The following GCSAML variants were observed in gnomAD, a reference collection of about 807,000 sequenced individuals.
GCSAML encodes the protein germinal center-associated signaling and motility-like protein.
Under a neutral mutation model 13.0 loss-of-function variants are expected in GCSAML, and 9 were observed. That is an observed-to-expected ratio of 0.69 (90% confidence interval 0.42 to 1.21). GCSAML has a LOEUF of 1.21. Among genes scored for constraint, GCSAML ranks in the 50% most tolerant of loss-of-function variants. The pLI, the probability that GCSAML is intolerant of heterozygous loss-of-function variation, is 0.00. For synonymous variants in GCSAML, 37 were observed against 52.9 expected, an observed-to-expected ratio of 0.70 and a Z score of 1.31; for missense variants, 143 against 153.4, an observed-to-expected ratio of 0.93 and a Z score of 0.36.
intron 1 of GCSAML, among the ~76,000 whole-genome samples, chr1:247,522,916 TAA>T (rs36008669): frequency 0.025 from 3,239 of 132,020 alleles, 44 homozygotes; most frequent in Middle Eastern, 0.044. Context: ...CAATAAATAC[TAA>T]AAAAAAAAAA....
chr1:247,548,181 TG>T (rs1001934288), upstream of GCSAML, among the ~76,000 whole-genome samples: 2 of 152,212 alleles, frequency 1.3e-5, no homozygotes, highest in Non-Finnish European at 2.9e-5. The surrounding 1 kb of genome is among the most constrained non-coding windows in gnomAD (Gnocchi z 5.3). Context: ...ATCAACCACC[TG>T]TGGTATAAAT....
At chr1:247,522,261 C>CCCCG (rs1666468716) in intron 1 of GCSAML, among the ~76,000 whole-genome samples, 1 of 102,098 alleles carries the variant, frequency 9.8e-6, no homozygotes, top group African/African-American at 3.5e-5. Context: ...GGGGGGCAGC[C>CCCCG]CCCACCCGGC....
At chr1:247,570,636 T>G (rs549619648) in intron 4 of GCSAML, among the ~76,000 whole-genome samples, 49 of 152,298 alleles carry the variant, frequency 3.2e-4, no homozygotes, top group African/African-American at 1.1e-3. Context: ...AAATATGTGG[T>G]TGATTTTAGG....
Position 247,574,586 on chromosome 1 carries a change from C to G in GCSAML, c.*204C>G. The G allele has an allele frequency of 1.7e-6, 1 of 577,026 alleles. No individual in the cohort carries two copies. The highest frequency in any genetic ancestry group is 3.0e-6 in the Non-Finnish European group (1 of 335,702). 35.7% of individuals were successfully genotyped at this position (577,026 alleles called of 1,614,324 possible). On this transcript the variant is annotated 3_prime_UTR_variant, in exon 5 of 5. Transcript: ENST00000366488. Reference sequence around the variant, plus strand: ...GAAATCATAGAAATTGACACAATGACCTAAAATATTCTATGTGTTTTTGCT... The same window carrying G: ...GAAATCATAGAAATTGACACAATGAGCTAAAATATTCTATGTGTTTTTGCT...
chr1:247,558,907 G>C (rs1668036882), intron 2 of GCSAML, among the ~76,000 whole-genome samples: 1 of 151,868 alleles, frequency 6.6e-6, no homozygotes, highest in Non-Finnish European at 1.5e-5. Flanking sequence ...TTTGTTACCA[G>C]TATCTGTGTG....
chr1:247,567,191 G>C (rs149685951), intron 4 of GCSAML, among the ~76,000 whole-genome samples: 1,673 of 151,288 alleles, frequency 0.011, 15 homozygotes, highest in Middle Eastern at 0.038. Context: ...TTAAGTTCTG[G>C]GATACATGTG....
At chr1:247,531,560 C>T in intron 2 of GCSAML, 5 of 1,613,240 alleles carry the variant, frequency 3.1e-6, no homozygotes, top group Non-Finnish European at 4.2e-6. Context: ...TAAATTTGCG[C>T]CAGCTTGCCT....
chr1:247,554,050 A>G (rs892052535), intron 1 of GCSAML, among the ~76,000 whole-genome samples: 1 of 152,074 alleles, frequency 6.6e-6, no homozygotes, highest in Non-Finnish European at 1.5e-5. Context: ...AATTTGATTT[A>G]TTTAATTTGA....
intron 2 of GCSAML, among the ~76,000 whole-genome samples, chr1:247,541,655 A>T (rs1044685840): frequency 1.4e-4 from 21 of 152,204 alleles, no homozygotes; most frequent in Admixed American, 6.5e-4. Flanking sequence ...AAAAACCCTT[A>T]GGTGAGCAGT....
At chr1:247,531,623 C>G in intron 2 of GCSAML, 1 of 1,614,180 alleles carries the variant, frequency 6.2e-7, no homozygotes, top group African/African-American at 1.3e-5. Context: ...CTCTTCACCT[C>G]CGTGTTCCTC....
intron 2 of GCSAML, among the ~76,000 whole-genome samples, chr1:247,543,495 C>T (rs557712590): frequency 1.8e-4 from 27 of 152,226 alleles, no homozygotes; most frequent in South Asian, 4.1e-4. Flanking sequence ...CGGTTTCAGG[C>T]ATCCACTGAA....
intron 2 of GCSAML, among the ~76,000 whole-genome samples, chr1:247,562,602 A>G (rs948181931): frequency 3.9e-5 from 6 of 152,170 alleles, no homozygotes; most frequent in Non-Finnish European, 8.8e-5. Flanking sequence ...GCCCAGGCAC[A>G]TCTCTCTACT....
At chr1:247,529,579 T>G (rs1281994498) in intron 2 of GCSAML, 1 of 152,198 alleles carries the variant, frequency 6.6e-6, no homozygotes, top group East Asian at 1.9e-4. Flanking sequence ...ACATGATGCA[T>G]AATAATCCAG....
chr1:247,565,904 CTTT>C (rs367904043), intron 3 of GCSAML, 24 bp from the exon 4 acceptor site: 2,417 of 1,354,292 alleles, frequency 1.8e-3, no homozygotes, highest in Admixed American at 3.5e-3. Context: ...TCCTTTCTTT[CTTT>C]TTTTTTTTTT....
intron 2 of GCSAML, among the ~76,000 whole-genome samples, chr1:247,562,090 T>G (rs994678044): frequency 6.6e-6 from 1 of 152,112 alleles, no homozygotes; most frequent in Non-Finnish European, 1.5e-5. Context: ...ACATGGAGAT[T>G]ATAGTTTGTT....
chr1:247,532,363 G>T (rs1274146477), intron 2 of GCSAML: 2 of 1,613,968 alleles, frequency 1.2e-6, no homozygotes, highest in Non-Finnish European at 1.7e-6. Flanking sequence ...ATCTGTATGG[G>T]AGACCAGAAT....
chr1:247,574,240 A>G lies in GCSAML; in HGVS notation c.266A>G (p.Tyr89Cys), dbSNP rs376018639. The G allele has an allele frequency of 5.6e-6, 9 of 1,613,994 alleles. No homozygotes were observed. Among genetic ancestry groups the G allele is most frequent in the African/African-American group, 2.7e-5 (2 of 74,942 alleles). Residue 89 changes from tyrosine (Y) to cysteine (C), a missense_variant, in exon 5 of 5, where the codon TAT becomes TGT. Physicochemically the swap from Tyr to Cys is radical, Grantham distance 194. Coordinates refer to ENST00000366488, the MANE Select transcript of GCSAML (RefSeq NM_145278.5). ...RSSLSSNDDG[Y>C]ENIDSLTRKV... ...TCCCTGAGCTCCAATGATGATGGCT[A>G]TGAGAACATTGACTCCCTCACAAGG...
At chr1:247,532,343 G>A in intron 2 of GCSAML, 1 of 1,613,970 alleles carries the variant, frequency 6.2e-7, no homozygotes, top group Non-Finnish European at 8.5e-7. Flanking sequence ...ATAGGTGTGT[G>A]GAGGTGCACA....
intron 1 of GCSAML, among the ~76,000 whole-genome samples, chr1:247,516,568 T>G (rs2103303514): frequency 6.6e-6 from 1 of 152,170 alleles, no homozygotes; most frequent in East Asian, 1.9e-4. Flanking sequence ...TTTTTTTTTT[T>G]TTTTAAACTC....
Sources: gnomAD v4.1 joint callset for allele counts (sites outside exome capture counted in the v4.1 genomes callset) on GRCh38, gnomAD v4.1.1 for gene constraint, Gnocchi (gnomAD v3.1) non-coding constraint, MANE v1.5 for transcripts, NCBI Gene and HGNC (gene_info 2026-07-23, HGNC 2026-07-21) for gene names.